The following DNM3 variants were observed in gnomAD, a reference collection of about 807,000 sequenced individuals.
The protein encoded by DNM3 is dynamin-3.
Under a neutral mutation model 101.6 loss-of-function variants are expected in DNM3, and 47 were observed. The ratio of observed to expected loss-of-function variants is 0.46; its 90% confidence interval spans 0.37 to 0.59. The LOEUF is 0.59. DNM3 is among the 20% of genes least tolerant of loss of function. The probability of loss-of-function intolerance (pLI) is 0.00; values close to 1 mark genes in which losing one functional copy is unlikely to be tolerated. For synonymous variants in DNM3, 385 were observed against 387.9 expected (o/e 0.99, Z 0.09); for missense variants, 849 against 1,085.7 (o/e 0.78, Z 3.06).
chr1:172,004,583 G>A (rs545627787), intron 4 of DNM3, among the ~76,000 whole-genome samples: 2 of 152,038 alleles, frequency 1.3e-5, no homozygotes, highest in African/African-American at 4.8e-5. Context: ...CAACAAGGGG[G>A]AATAGAAGCT....
chr1:172,131,349 A>G lies in DNM3; in HGVS notation c.1659+61A>G, dbSNP rs374775070. 14 of 1,409,910 alleles carry G rather than the reference A, an allele frequency of 9.9e-6. 1 individual carries two copies. Among genetic ancestry groups the G allele is most frequent in the African/African-American group, 7.1e-5 (5 of 70,162 alleles). 87.3% of individuals were successfully genotyped at this position (1,409,910 alleles called of 1,614,324 possible). A position where few individuals can be genotyped will look rare whatever the true frequency, so the allele number is the denominator to read the frequency against. Reference sequence around the variant, plus strand: ...AGTATTTCTCATTTTAAATTAACTGATATTATTATACTATGCAATTTTGAG... The same window carrying G: ...AGTATTTCTCATTTTAAATTAACTGGTATTATTATACTATGCAATTTTGAG... On this transcript the variant is annotated intron_variant, in intron 14 of 20. Transcript: ENST00000627582.
chr1:172,300,213 T>C (rs187006064), intron 15 of DNM3, among the ~76,000 whole-genome samples: 4 of 152,138 alleles, frequency 2.6e-5, no homozygotes, highest in Admixed American at 6.5e-5. Context: ...TCATGTCCTT[T>C]GCCTACTTTT....
chr1:172,029,413 A>G (rs2048441036), intron 4 of DNM3, among the ~76,000 whole-genome samples: 1 of 152,322 alleles, frequency 6.6e-6, no homozygotes, highest in Non-Finnish European at 1.5e-5. Flanking sequence ...TCTCAAAATA[A>G]TAAGAGCTAT....
At chr1:172,047,808 T>C (rs2049923578) in intron 9 of DNM3, among the ~76,000 whole-genome samples, 1 of 151,860 alleles carries the variant, frequency 6.6e-6, no homozygotes, top group Non-Finnish European at 1.5e-5. Context: ...TAAATAAGAA[T>C]AGGTGGGGAG....
At chr1:172,004,727 G>A (rs1234751539) in intron 4 of DNM3, among the ~76,000 whole-genome samples, 1 of 151,936 alleles carries the variant, frequency 6.6e-6, no homozygotes, top group East Asian at 1.9e-4. Flanking sequence ...GGGCTCTGTG[G>A]AGCATGGGAG....
intron 17 of DNM3, among the ~76,000 whole-genome samples, chr1:172,358,580 C>A (rs912828380): frequency 3.9e-5 from 6 of 151,954 alleles, no homozygotes; most frequent in Non-Finnish European, 7.4e-5. Context: ...TCAGTCAGCT[C>A]CCTCCCCCAC....
intron 14 of DNM3, among the ~76,000 whole-genome samples, chr1:172,142,902 T>C (rs961893443): frequency 2.0e-5 from 3 of 151,950 alleles, no homozygotes; most frequent in Admixed American, 2.0e-4. Flanking sequence ...AGAAACTATA[T>C]AGATTTTTAA....
chr1:172,411,297 T>C lies in DNM3; in HGVS notation c.*3456T>C. 1.0e-6 allele frequency: 1 copy of C among 985,202 alleles called. No homozygotes were observed. The highest frequency in any genetic ancestry group is 1.2e-6 in the Non-Finnish European group (1 of 829,770). 61.0% of individuals were successfully genotyped at this position (985,202 alleles called of 1,614,324 possible). A position where few individuals can be genotyped will look rare whatever the true frequency, so the allele number is the denominator to read the frequency against. On this transcript the variant is annotated 3_prime_UTR_variant, in exon 21 of 21. Coordinates refer to ENST00000627582, the MANE Select transcript of DNM3 (RefSeq NM_015569.5). ...TCCAGATTGTAGTCATTTTGAGAGG[T>C]ACAAAGCTCATAATTACCATGACAA...
At chr1:172,135,503 T>C (rs1305539309) in intron 14 of DNM3, among the ~76,000 whole-genome samples, 2 of 152,174 alleles carry the variant, frequency 1.3e-5, no homozygotes, top group African/African-American at 2.4e-5. Flanking sequence ...TGTTTTTGTT[T>C]TTGTTTTTTG....
chr1:172,221,003 G>C (rs1458504967), intron 14 of DNM3, among the ~76,000 whole-genome samples: 6 of 152,212 alleles, frequency 3.9e-5, no homozygotes. Context: ...AGAGTTGCTT[G>C]TATCACATCA....
Position 172,390,389 on chromosome 1 carries a change from C to T in DNM3, c.2522+1580C>T, listed in dbSNP as rs941965559. On this transcript the variant is annotated intron_variant, in intron 20 of 20. Coordinates refer to ENST00000627582, the MANE Select transcript of DNM3 (RefSeq NM_015569.5). ...CCCTAGTGGAGCTGGACTTTAATCC[C>T]ATGCAGTCTGCTTCCAAAGCCATTT... Among the ~76,000 whole-genome samples the T allele has an allele frequency of 2.4e-4, 37 of 152,242 alleles. 1 individual carries two copies. Among genetic ancestry groups the T allele is most frequent in the Non-Finnish European group, 1.5e-5 (1 of 68,052 alleles).
At position 172,409,598 on chromosome 1, in the gene DNM3, A is replaced by G. The variant is rs1329446546; in HGVS notation, c.*1757A>G. On this transcript the variant is annotated 3_prime_UTR_variant, in exon 21 of 21. Transcript: ENST00000627582. ...CACCCCAAACCCCAAACTGGGGGAA[A>G]AAAAGTTAACTCTTTGTGAATGGAA... is the stretch of plus-strand genomic sequence containing the variant. 2 of 985,502 alleles carry G rather than the reference A, an allele frequency of 2.0e-6. No homozygotes were observed. Among genetic ancestry groups the G allele is most frequent in the Middle Eastern group, 5.2e-4 (1 of 1,936 alleles). 61.0% of individuals were successfully genotyped at this position (985,502 alleles called of 1,614,324 possible). A position where few individuals can be genotyped will look rare whatever the true frequency, so the allele number is the denominator to read the frequency against.
chr1:171,897,895 T>C (rs768900954), intron 1 of DNM3, among the ~76,000 whole-genome samples: 1 of 151,416 alleles, frequency 6.6e-6, no homozygotes, highest in East Asian at 1.9e-4. Flanking sequence ...CAAAAAGGAC[T>C]AATCAAGTTT....
chr1:172,411,193 CTTTGAA>C lies in DNM3; in HGVS notation c.*3354_*3359del. 2.0e-6 allele frequency: 2 copies of C among 985,138 alleles called. No individual in the cohort carries two copies. Among genetic ancestry groups the C allele is most frequent in the Non-Finnish European group, 2.4e-6 (2 of 829,780 alleles). The allele number at this position is 985,138 out of a possible 1,614,324, so 61.0% of individuals were successfully genotyped here. ...TAAACTGTGATAATACAACAGATAGCTTTGAATGATCTGCCATAACATGTGGTAACA... is the reference window on the plus strand; with the variant it reads ...TAAACTGTGATAATACAACAGATAGCTGATCTGCCATAACATGTGGTAACA... On this transcript the variant is annotated 3_prime_UTR_variant, in exon 21 of 21. Transcript: ENST00000627582.
At chr1:172,165,506 A>T (rs1052660048) in intron 14 of DNM3, among the ~76,000 whole-genome samples, 1 of 152,012 alleles carries the variant, frequency 6.6e-6, no homozygotes, top group Non-Finnish European at 1.5e-5. Flanking sequence ...GGTCTCTTAA[A>T]TTGAGCCCCA....
Position 172,283,780 on chromosome 1 carries a change from A to AAAAAG in DNM3, c.1770-24945_1770-24944insAGAAA, listed in dbSNP as rs1553221113. 3.9e-4 allele frequency among the ~76,000 whole-genome samples: 47 copies of AAAAAG among 119,110 alleles called. 1 individual carries two copies. Among genetic ancestry groups the AAAAAG allele is most frequent in the African/African-American group, 1.6e-3 (47 of 29,654 alleles). The allele number at this position is 119,110 out of a possible 152,430, so 78.1% of individuals were successfully genotyped here. The stretch of plus-strand genomic sequence containing the variant: ...ATCTCAAAAAAAAAAAAAAAAAAAA[A>AAAAAG]AAAGAAAGAAAGAAAGAAAACCAAG... On this transcript the variant is annotated intron_variant, in intron 15 of 20. Transcript: ENST00000627582.
In DNM3 at chr1:172,181,375, TACACACACACAC is replaced by T. The variant is rs55756017; in HGVS notation, c.1659+50115_1659+50126del. 7.2e-4 allele frequency among the ~76,000 whole-genome samples: 107 copies of T among 147,720 alleles called. 1 individual carries two copies. The highest frequency in any genetic ancestry group is 1.5e-3 in the African/African-American group (62 of 40,642). On this transcript the variant is annotated intron_variant, in intron 14 of 20. Coordinates refer to ENST00000627582, the MANE Select transcript of DNM3 (RefSeq NM_015569.5). ...TCTTATGCTTTAAAACACTTGAGTT[TACACACACACAC>T]ACACACACACACACACACACACACA... is the stretch of plus-strand genomic sequence containing the variant.
intron 16 of DNM3, among the ~76,000 whole-genome samples, chr1:172,316,776 A>G (rs1205903029): frequency 6.6e-6 from 1 of 152,154 alleles, no homozygotes; most frequent in East Asian, 1.9e-4. Flanking sequence ...TTAGACTCCC[A>G]CACAATAATA....
intron 4 of DNM3, among the ~76,000 whole-genome samples, chr1:171,999,423 T>A (rs2046224791): frequency 6.6e-6 from 1 of 152,064 alleles, no homozygotes; most frequent in Non-Finnish European, 1.5e-5. Flanking sequence ...TTGTGGGAGA[T>A]CAAGAGCTCT....
Sources: gnomAD v4.1 joint callset for allele counts (sites outside exome capture counted in the v4.1 genomes callset) on GRCh38, gnomAD v4.1.1 for gene constraint, MANE v1.5 for transcripts, NCBI Gene and HGNC (gene_info 2026-07-23, HGNC 2026-07-21) for gene names.